GRM7: variants seen among roughly 807,000 people sequenced by gnomAD.
GRM7 encodes metabotropic glutamate receptor 7.
A neutral mutation model predicts 84.5 loss-of-function variants in GRM7; 35 were observed. That is an observed-to-expected ratio of 0.41 (90% CI 0.32 to 0.55). The LOEUF (loss-of-function observed/expected upper bound fraction) is 0.55, where lower values mean the gene tolerates loss of function less well. Ranked by LOEUF, GRM7 falls within the 20% of genes least tolerant of loss-of-function variation. The pLI is 0.19. For synonymous variants in GRM7, 487 were observed against 455.1 expected (o/e 1.07, Z -0.89); for missense variants, 1,003 against 1,194.6 (o/e 0.84, Z 2.36).
At chr3:7,284,327 C>T (rs928652149) in intron 2 of GRM7, among the ~76,000 whole-genome samples, 1 of 147,850 alleles carries the variant, frequency 6.8e-6, no homozygotes, top group Non-Finnish European at 1.5e-5. Context: ...TACATGAGCT[C>T]TCTTGGATCT....
chr3:6,921,297 C>G (rs1697115132), intron 1 of GRM7, among the ~76,000 whole-genome samples: 2 of 152,156 alleles, frequency 1.3e-5, no homozygotes, highest in South Asian at 4.1e-4. Context: ...GCTAATGATT[C>G]AGAAAGCAAT....
chr3:7,414,573 G>A (rs1401880400), intron 4 of GRM7, among the ~76,000 whole-genome samples: 1 of 152,126 alleles, frequency 6.6e-6, no homozygotes, highest in African/African-American at 2.4e-5. Context: ...TTGGATTGAG[G>A]TTTATATTGG....
intron 1 of GRM7, among the ~76,000 whole-genome samples, chr3:6,999,837 C>T (rs1694949015): frequency 1.3e-5 from 2 of 152,098 alleles, no homozygotes; most frequent in East Asian, 3.8e-4. Flanking sequence ...CCATTGGATG[C>T]CTCTCAAGAC....
chr3:7,654,220 G>A (rs888275164), intron 8 of GRM7, among the ~76,000 whole-genome samples: 1 of 152,154 alleles, frequency 6.6e-6, no homozygotes, highest in Admixed American at 6.5e-5. Flanking sequence ...TCATAAATAA[G>A]TTGCAAGGTA....
intron 8 of GRM7, among the ~76,000 whole-genome samples, chr3:7,673,321 C>A (rs1699998740): frequency 1.3e-5 from 2 of 152,180 alleles, no homozygotes; most frequent in Admixed American, 1.3e-4. Context: ...AAGTGTCGAA[C>A]TTTCTGATTC....
intron 2 of GRM7, among the ~76,000 whole-genome samples, chr3:7,280,965 C>T (rs1312060230): frequency 6.6e-6 from 1 of 152,004 alleles, no homozygotes; most frequent in East Asian, 1.9e-4. Context: ...TTTAACTTGG[C>T]ACCTTCCATG....
At chr3:7,629,416 G>A (rs532948616) in intron 8 of GRM7, among the ~76,000 whole-genome samples, 8 of 152,262 alleles carry the variant, frequency 5.3e-5, no homozygotes, top group African/African-American at 1.9e-4. Context: ...CTCCTGGCTT[G>A]CAAATAGCTG....
Position 7,725,980 on chromosome 3 carries a change from G to A in GRM7, c.2699-14377G>A, listed in dbSNP as rs963930801. On this transcript the variant is annotated intron_variant, in intron 9 of 9. Coordinates refer to ENST00000357716, the MANE Select transcript of GRM7 (RefSeq NM_000844.4). Reference sequence around the variant, plus strand: ...GAATGCCTCAGGAAATATTTTAGGAGGCCATTTATTACATAAGGTAGGTAC... The same window carrying A: ...GAATGCCTCAGGAAATATTTTAGGAAGCCATTTATTACATAAGGTAGGTAC... 9.2e-5 allele frequency among the ~76,000 whole-genome samples: 14 copies of A among 152,086 alleles called. 1 individual carries two copies. The highest frequency in any genetic ancestry group is 8.5e-4 in the Admixed American group (13 of 15,272).
At chr3:6,877,809 TCACACACACACACACACACACA>T (rs3220585) in intron 1 of GRM7, among the ~76,000 whole-genome samples, 1 of 145,540 alleles carries the variant, frequency 6.9e-6, no homozygotes, top group African/African-American at 2.6e-5. Flanking sequence ...TACACAGATA[TCACACACACACACACACACACA>T]CACACACACA....
chr3:7,609,603 G>T (rs1006424311), intron 8 of GRM7, among the ~76,000 whole-genome samples: 1 of 151,898 alleles, frequency 6.6e-6, no homozygotes, highest in Non-Finnish European at 1.5e-5. Context: ...TTAGAAGCTG[G>T]TGGAGAAACT....
intron 5 of GRM7, among the ~76,000 whole-genome samples, chr3:7,428,200 G>T (rs1047002223): frequency 2.0e-5 from 3 of 152,152 alleles, no homozygotes; most frequent in African/African-American, 7.2e-5. Context: ...GTCCACCAAG[G>T]AGTGTGTCTC....
intron 2 of GRM7, among the ~76,000 whole-genome samples, chr3:7,178,404 T>C (rs557861249): frequency 3.9e-5 from 6 of 152,244 alleles, no homozygotes; most frequent in African/African-American, 1.4e-4. Flanking sequence ...GTATTATAAA[T>C]GACCCAATGA....
intron 7 of GRM7, among the ~76,000 whole-genome samples, chr3:7,556,693 T>A (rs183915330): frequency 2.0e-5 from 3 of 152,212 alleles, no homozygotes; most frequent in Admixed American, 2.0e-4. Context: ...TGTTCTCTCA[T>A]GTACAGTATG....
At chr3:7,029,501 A>G (rs577966545) in intron 1 of GRM7, among the ~76,000 whole-genome samples, 1 of 152,298 alleles carries the variant, frequency 6.6e-6, no homozygotes, top group East Asian at 1.9e-4. Flanking sequence ...AATGTGGTCT[A>G]TGCAATGAAA....
intron 8 of GRM7, among the ~76,000 whole-genome samples, chr3:7,641,922 A>G (rs1294298460): frequency 6.8e-6 from 1 of 146,202 alleles, no homozygotes; most frequent in Non-Finnish European, 1.5e-5. Context: ...TACCATGTTT[A>G]CTTTGAAATC....
At chr3:7,607,339 C>T (rs10510369) in intron 8 of GRM7, 25,936 of 152,146 alleles carry the variant, frequency 0.17, 2,266 homozygotes, top group East Asian at 0.25. Context: ...TGAGTACTGA[C>T]ATTTACAACC....
At chr3:7,626,620 T>G (rs940561993) in intron 8 of GRM7, among the ~76,000 whole-genome samples, 5 of 152,286 alleles carry the variant, frequency 3.3e-5, no homozygotes, top group African/African-American at 9.6e-5. Context: ...AAAGCATGAC[T>G]CTAACATCTG....
At chr3:7,176,529 G>A (rs1310774957) in intron 2 of GRM7, among the ~76,000 whole-genome samples, 2 of 152,134 alleles carry the variant, frequency 1.3e-5, no homozygotes, top group Non-Finnish European at 2.9e-5. Flanking sequence ...CAATTGACCT[G>A]CTACATTTAT....
chr3:7,356,320 G>A (rs1009897921), intron 4 of GRM7, among the ~76,000 whole-genome samples: 8 of 147,894 alleles, frequency 5.4e-5, no homozygotes, highest in African/African-American at 2.1e-4. Flanking sequence ...TATTTTTTTT[G>A]AGACAGAGTC....
Sources: allele counts gnomAD v4.1 joint callset (sites outside exome capture counted in the v4.1 genomes callset), GRCh38; gene constraint gnomAD v4.1.1; transcripts MANE v1.5; gene names NCBI Gene and HGNC (gene_info 2026-07-23, HGNC 2026-07-21).